The following FOXK1 variants were observed in gnomAD, a reference collection of about 807,000 sequenced individuals.
The protein encoded by FOXK1 is forkhead box protein K1.
In FOXK1, 19 loss-of-function variants were observed where a neutral mutation model predicts 51.9. That is an observed-to-expected ratio of 0.37 (90% confidence interval 0.26 to 0.54). The LOEUF (loss-of-function observed/expected upper bound fraction) is 0.54. FOXK1 is among the 20% of genes least tolerant of loss of function. The pLI, the probability that FOXK1 is intolerant of heterozygous loss-of-function variation, is 0.87. For missense variants in FOXK1, 870 were observed against 1,032.7 expected (o/e 0.84, Z 2.16); for synonymous variants, 537 against 482.6 (o/e 1.11, Z -1.48).
At chr7:4,738,748 C>T (rs1780591006) in intron 1 of FOXK1, among the ~76,000 whole-genome samples, 1 of 152,116 alleles carries the variant, frequency 6.6e-6, no homozygotes. Context: ...AACCTGGTGC[C>T]CACAGGCCTG....
rs1204122272 is a variant in FOXK1 at position 4,731,690 on chromosome 7, C to A, written c.561-9148C>A. Among the ~76,000 whole-genome samples the A allele has an allele frequency of 6.9e-6, 1 of 145,896 alleles. No homozygotes were observed. Among genetic ancestry groups the A allele is most frequent in the Non-Finnish European group, 1.5e-5 (1 of 67,282 alleles). On this transcript the variant is annotated intron_variant, in intron 1 of 8. Coordinates refer to ENST00000328914, the MANE Select transcript of FOXK1 (RefSeq NM_001037165.2). This position sits in a 1 kb window ranked among gnomAD's most constrained non-coding sequence, Gnocchi z 5.3. The stretch of plus-strand genomic sequence containing the variant: ...CAGGAGAATCGCTTGGACCTGGAGG[C>A]GGAGGTTGCAGTGAGCTGAGATTGC...
intron 1 of FOXK1, among the ~76,000 whole-genome samples, chr7:4,700,091 G>A (rs532412574): frequency 2.6e-3 from 401 of 152,240 alleles, no homozygotes; most frequent in African/African-American, 9.2e-3. Flanking sequence ...GGCCTTCCCC[G>A]GTGCCTGGCT....
At chr7:4,691,873 G>T (rs1313297919) in intron 1 of FOXK1, among the ~76,000 whole-genome samples, 1 of 152,116 alleles carries the variant, frequency 6.6e-6, no homozygotes, top group East Asian at 1.9e-4. Context: ...GTTCCCCTAA[G>T]TGTCAAAGGG....
intron 1 of FOXK1, among the ~76,000 whole-genome samples, chr7:4,691,381 C>G (rs953569234): frequency 6.6e-6 from 1 of 152,206 alleles, no homozygotes; most frequent in Non-Finnish European, 1.5e-5. Flanking sequence ...GTCTCCCAGG[C>G]TGGAGTGCAG....
intron 1 of FOXK1, among the ~76,000 whole-genome samples, chr7:4,688,029 G>C (rs978449421): frequency 6.6e-6 from 1 of 152,132 alleles, no homozygotes; most frequent in Non-Finnish European, 1.5e-5. Context: ...ACCATGCCCA[G>C]CTGCTTTTTT....
chr7:4,712,072 G>T (rs747600721), intron 1 of FOXK1, among the ~76,000 whole-genome samples: 8 of 150,778 alleles, frequency 5.3e-5, no homozygotes, highest in East Asian at 1.9e-4. Context: ...TTTTTTATCA[G>T]TCTCTCACTT....
At chr7:4,737,462 ATGTGTG>A (rs923540727) in intron 1 of FOXK1, among the ~76,000 whole-genome samples, 2 of 150,434 alleles carry the variant, frequency 1.3e-5, no homozygotes, top group African/African-American at 4.9e-5. Flanking sequence ...GCACGTGTGC[ATGTGTG>A]TGTGTGCGTG....
rs907262348 is a variant in FOXK1 at position 4,709,120 on chromosome 7, G to T, written c.560+26252G>T. 6.6e-6 allele frequency among the ~76,000 whole-genome samples: 1 copy of T among 151,902 alleles called. No homozygotes were observed. The highest frequency in any genetic ancestry group is 2.4e-5 in the African/African-American group (1 of 41,378). On this transcript the variant is annotated intron_variant, in intron 1 of 8. Coordinates refer to ENST00000328914, the MANE Select transcript of FOXK1 (RefSeq NM_001037165.2). The surrounding 1 kb of genome is among the most constrained non-coding windows in gnomAD (Gnocchi z 5.6). ...AGAAAAACAAGGAAAAAAGAAAAGA[G>T]GCTGGTGGGAAAATGTAGTTCCTGG... is the stretch of plus-strand genomic sequence containing the variant.
chr7:4,737,795 A>G (rs1292800440), intron 1 of FOXK1, among the ~76,000 whole-genome samples: 1 of 152,192 alleles, frequency 6.6e-6, no homozygotes, highest in Non-Finnish European at 1.5e-5. Context: ...CCAGGACTGA[A>G]GAGCCCTTGG....
intron 1 of FOXK1, among the ~76,000 whole-genome samples, chr7:4,708,395 C>G (rs2115039637): frequency 6.6e-6 from 1 of 152,252 alleles, no homozygotes; most frequent in Middle Eastern, 3.4e-3. Flanking sequence ...TCGGGGGAAG[C>G]TCACCCGAAG....
Position 4,703,493 on chromosome 7 carries a change from A to G in FOXK1, c.560+20625A>G, listed in dbSNP as rs960200884. ...TGTCCTCGCCCCACAAGGCTCCCCCAGGGTGGCCCGACCCTGCTGCGCGGG... is the reference window on the plus strand; with the variant it reads ...TGTCCTCGCCCCACAAGGCTCCCCCGGGGTGGCCCGACCCTGCTGCGCGGG... On this transcript the variant is annotated intron_variant, in intron 1 of 8. Transcript: ENST00000328914. This position sits in a 1 kb window ranked among gnomAD's most constrained non-coding sequence, Gnocchi z 5.6. 6.6e-6 allele frequency among the ~76,000 whole-genome samples: 1 copy of G among 152,204 alleles called. No individual in the cohort carries two copies. Among genetic ancestry groups the G allele is most frequent in the Non-Finnish European group, 1.5e-5 (1 of 68,020 alleles).
At position 4,733,304 on chromosome 7, in the gene FOXK1, T is replaced by C. The variant is rs1780506420; in HGVS notation, c.561-7534T>C. 6.6e-6 allele frequency among the ~76,000 whole-genome samples: 1 copy of C among 152,134 alleles called. No homozygotes were observed. The highest frequency in any genetic ancestry group is 1.5e-5 in the Non-Finnish European group (1 of 68,016). On this transcript the variant is annotated intron_variant, in intron 1 of 8. Coordinates refer to ENST00000328914, the MANE Select transcript of FOXK1 (RefSeq NM_001037165.2). This position sits in a 1 kb window ranked among gnomAD's most constrained non-coding sequence, Gnocchi z 5.0. Reference sequence around the variant, plus strand: ...TCATCCTCCCAGAGTGCTGGGATTATAGATGTAAGCCACCCTACCCAGCCA... The same window carrying C: ...TCATCCTCCCAGAGTGCTGGGATTACAGATGTAAGCCACCCTACCCAGCCA...
At position 4,749,519 on chromosome 7, in the gene FOXK1, C is replaced by T. The variant is rs560897680; in HGVS notation, c.747-4940C>T. Among the ~76,000 whole-genome samples the T allele has an allele frequency of 1.1e-4, 16 of 152,316 alleles. No homozygotes were observed. Among genetic ancestry groups the T allele is most frequent in the African/African-American group, 2.4e-4 (10 of 41,576 alleles). ...GGACGCAAAGGTCATCGCAGACCCC[C>T]GCAGCCTTCTCGCCCCTCCACTGCC... is the stretch of plus-strand genomic sequence containing the variant. On this transcript the variant is annotated intron_variant, in intron 2 of 8. Coordinates refer to ENST00000328914, the MANE Select transcript of FOXK1 (RefSeq NM_001037165.2). This position sits in a 1 kb window ranked among gnomAD's most constrained non-coding sequence, Gnocchi z 6.0.
At chr7:4,687,649 T>A (rs1779838636) in intron 1 of FOXK1, among the ~76,000 whole-genome samples, 1 of 152,150 alleles carries the variant, frequency 6.6e-6, no homozygotes, top group Admixed American at 6.6e-5. Flanking sequence ...AATTCAAAAT[T>A]CAAAAAATTT....
Position 4,762,682 on chromosome 7 carries a change from T to G in FOXK1, c.*218T>G, listed in dbSNP as rs183913494. 2.2e-3 allele frequency: 1,273 copies of G among 571,100 alleles called. 16 individuals are homozygous for G. The highest frequency in any genetic ancestry group is 3.7e-3 in the Middle Eastern group (8 of 2,140). 35.4% of individuals were successfully genotyped at this position (571,100 alleles called of 1,614,324 possible). A position where few individuals can be genotyped will look rare whatever the true frequency, so the allele number is the denominator to read the frequency against. On this transcript the variant is annotated 3_prime_UTR_variant, in exon 9 of 9. Transcript: ENST00000328914. The surrounding 1 kb of genome is among the most constrained non-coding windows in gnomAD (Gnocchi z 5.7). ...AAACAAGTTCAGACAACTGATTGTA[T>G]GATTCTGGGAATTCTTTGCTTTCCT...
chr7:4,705,079 G>A (rs542295051), intron 1 of FOXK1, among the ~76,000 whole-genome samples: 3 of 152,180 alleles, frequency 2.0e-5, no homozygotes, highest in South Asian at 2.1e-4. Flanking sequence ...TGATCTGCCC[G>A]CAGCAGCCTC....
chr7:4,746,580 C>T (rs576860787), intron 2 of FOXK1, among the ~76,000 whole-genome samples: 120 of 151,840 alleles, frequency 7.9e-4, no homozygotes, highest in South Asian at 1.7e-3. Flanking sequence ...CCCAGCTACT[C>T]GGGAGGCTGA....
chr7:4,701,465 A>G (rs1262827220), intron 1 of FOXK1, among the ~76,000 whole-genome samples: 1 of 152,178 alleles, frequency 6.6e-6, no homozygotes, highest in African/African-American at 2.4e-5. Flanking sequence ...ATATGTAACA[A>G]GTACTATTGA....
intron 7 of FOXK1, chr7:4,760,024 T>C (rs11978727): frequency 0.091 from 15,385 of 168,524 alleles, 758 homozygotes; most frequent in South Asian, 0.19. Context: ...AGCAAAACCC[T>C]GTCTCAAAAA....
Sources: gnomAD v4.1 joint callset for allele counts (sites outside exome capture counted in the v4.1 genomes callset) on GRCh38, gnomAD v4.1.1 for gene constraint, Gnocchi (gnomAD v3.1) non-coding constraint, MANE v1.5 for transcripts, NCBI Gene and HGNC (gene_info 2026-07-23, HGNC 2026-07-21) for gene names.